Variants in SCFD2 observed in about 807,000 individuals in gnomAD.
The protein encoded by SCFD2 is sec1 family domain-containing protein 2.
In SCFD2, 54 loss-of-function variants were observed where a neutral mutation model predicts 58.9. That is an observed-to-expected ratio of 0.92 (90% CI 0.74 to 1.15). The LOEUF (loss-of-function observed/expected upper bound fraction) is 1.15, where lower values mean the gene tolerates loss of function less well. Ranked by LOEUF, SCFD2 falls within the 50% of genes most tolerant of loss-of-function variation. The pLI is 0.00. For synonymous variants in SCFD2, 321 were observed against 335.9 expected (o/e 0.96, Z 0.49); for missense variants, 805 against 836.6 (o/e 0.96, Z 0.47).
At chr4:53,225,973 A>AT (rs1729200132) in intron 4 of SCFD2, among the ~76,000 whole-genome samples, 1 of 152,056 alleles carries the variant, frequency 6.6e-6, no homozygotes, top group African/African-American at 2.4e-5. Context: ...ATTTTTTTAA[A>AT]TTTAACAGTA....
chr4:53,212,619 CTG>C (rs1180871255), intron 4 of SCFD2, among the ~76,000 whole-genome samples: 1 of 127,296 alleles, frequency 7.9e-6, no homozygotes, highest in African/African-American at 3.4e-5. Flanking sequence ...CATGTGGTGT[CTG>C]TGTGTGTTGA....
intron 5 of SCFD2, among the ~76,000 whole-genome samples, chr4:53,122,685 T>C (rs1288905368): frequency 2.0e-5 from 3 of 152,192 alleles, no homozygotes; most frequent in African/African-American, 4.8e-5. Flanking sequence ...AGTTTTGTGA[T>C]GTCACATAAG....
chr4:53,310,900 A>G (rs1459019381), intron 3 of SCFD2, among the ~76,000 whole-genome samples: 2 of 152,222 alleles, frequency 1.3e-5, no homozygotes, highest in Non-Finnish European at 2.9e-5. Flanking sequence ...TCTGTTTAAC[A>G]TCTCAAAAAT....
At chr4:52,893,129 G>A (rs113677213) in intron 7 of SCFD2, among the ~76,000 whole-genome samples, 1,651 of 152,146 alleles carry the variant, frequency 0.011, 30 homozygotes, top group African/African-American at 0.037. Context: ...TCCTCTTGTC[G>A]GAAATGCCCT....
Position 53,132,989 on chromosome 4 carries a change from G to C in SCFD2, c.1561+12344C>G, listed in dbSNP as rs147703542. Among the ~76,000 whole-genome samples, 5 of 152,250 alleles carry C rather than the reference G, an allele frequency of 3.3e-5. No homozygotes were observed. The East Asian group carries it at 9.7e-4, about 29-fold the overall frequency. Reference sequence around the variant, plus strand: ...AGAAGAATGCAGAGGTGATAATAAGGGAAGCATAAGAGGAAAAATTCTTAT... The same window carrying C: ...AGAAGAATGCAGAGGTGATAATAAGCGAAGCATAAGAGGAAAAATTCTTAT... On this transcript the variant is annotated intron_variant, in intron 5 of 8. Coordinates refer to ENST00000401642, the MANE Select transcript of SCFD2 (RefSeq NM_152540.4).
At chr4:53,301,328 G>A (rs1480460477) in intron 3 of SCFD2, among the ~76,000 whole-genome samples, 3 of 152,158 alleles carry the variant, frequency 2.0e-5, no homozygotes, top group African/African-American at 4.8e-5. Flanking sequence ...ACACCTCTAT[G>A]CAAATAAACT....
intron 7 of SCFD2, among the ~76,000 whole-genome samples, chr4:52,898,911 C>T (rs1173657699): frequency 6.6e-6 from 1 of 152,178 alleles, no homozygotes; most frequent in Non-Finnish European, 1.5e-5. Flanking sequence ...TATGTAATGG[C>T]CTTGTCTCTT....
chr4:52,948,708 C>A (rs1316934175), intron 5 of SCFD2: 3 of 345,076 alleles, frequency 8.7e-6, no homozygotes, highest in South Asian at 2.3e-5. Context: ...GCATAAGCAA[C>A]CAACAGAAGA....
intron 4 of SCFD2, among the ~76,000 whole-genome samples, chr4:53,178,127 T>G (rs1727404515): frequency 6.6e-6 from 1 of 152,166 alleles, no homozygotes; most frequent in Non-Finnish European, 1.5e-5. Context: ...TCTGCAGACT[T>G]AAATGTCCCT....
chr4:53,145,661 C>T, intron 4 of SCFD2, 79 bp from the exon 5 acceptor site: 1 of 1,310,320 alleles, frequency 7.6e-7, no homozygotes, highest in Non-Finnish European at 1.1e-6. Flanking sequence ...CGAATGATAG[C>T]TTTCAAACAA....
chr4:53,292,254 G>A (rs1731864928), intron 3 of SCFD2, among the ~76,000 whole-genome samples: 1 of 152,060 alleles, frequency 6.6e-6, no homozygotes, highest in African/African-American at 2.4e-5. Flanking sequence ...TATCCTTAGA[G>A]CAAACACACA....
chr4:52,996,363 G>A (rs371932552), intron 5 of SCFD2, among the ~76,000 whole-genome samples: 4 of 152,238 alleles, frequency 2.6e-5, no homozygotes, highest in Non-Finnish European at 5.9e-5. Context: ...TCGCCTGACC[G>A]TCACTGGAGC....
At chr4:52,968,367 C>G (rs1043908106) in intron 5 of SCFD2, among the ~76,000 whole-genome samples, 1 of 152,150 alleles carries the variant, frequency 6.6e-6, no homozygotes, top group East Asian at 1.9e-4. Flanking sequence ...AAAATGACAC[C>G]TTGAGTTCAA....
chr4:53,239,337 G>A (rs1190650109), intron 4 of SCFD2, among the ~76,000 whole-genome samples: 71 of 151,104 alleles, frequency 4.7e-4, no homozygotes, highest in African/African-American at 1.5e-3. Flanking sequence ...GAGGGAGACC[G>A]TGGAAAGAGA....
chr4:53,133,327 C>CAAAA (rs34787254), intron 5 of SCFD2, among the ~76,000 whole-genome samples: 9 of 83,196 alleles, frequency 1.1e-4, no homozygotes, highest in East Asian at 3.0e-4. Context: ...GACTCCGTCT[C>CAAAA]AAAAAAAAAA....
chr4:53,333,752 G>A (rs1577978075), intron 2 of SCFD2, among the ~76,000 whole-genome samples: 1 of 124,290 alleles, frequency 8.0e-6, no homozygotes, highest in Admixed American at 8.5e-5. Context: ...TGACAAATGG[G>A]ATCTAATTAA....
At chr4:53,257,508 T>A (rs975648901) in intron 4 of SCFD2, among the ~76,000 whole-genome samples, 7 of 152,138 alleles carry the variant, frequency 4.6e-5, no homozygotes, top group African/African-American at 1.7e-4. Context: ...TCCCTCTCAC[T>A]AAAAGAGAGT....
At chr4:53,299,413 C>T (rs888720041) in intron 3 of SCFD2, among the ~76,000 whole-genome samples, 18 of 152,050 alleles carry the variant, frequency 1.2e-4, no homozygotes, top group Admixed American at 3.3e-4. Context: ...TAAAAAGAAA[C>T]GAACAAAGCC....
At chr4:53,219,271 G>A (rs956090870) in intron 4 of SCFD2, among the ~76,000 whole-genome samples, 1 of 152,202 alleles carries the variant, frequency 6.6e-6, no homozygotes, top group African/African-American at 2.4e-5. Flanking sequence ...TCCTTGAGCT[G>A]CCGTTGGCTC....
Sources: allele counts gnomAD v4.1 joint callset (sites outside exome capture counted in the v4.1 genomes callset), GRCh38; gene constraint gnomAD v4.1.1; transcripts MANE v1.5; gene names NCBI Gene and HGNC (gene_info 2026-07-23, HGNC 2026-07-21).